Variants in TRIM40 observed in about 807,000 individuals in gnomAD.
TRIM40 encodes E3 ubiquitin ligase TRIM40.
A neutral mutation model predicts 26.1 loss-of-function variants in TRIM40; 27 were observed. The observed-to-expected ratio is 1.04, with a 90% confidence interval of 0.76 to 1.43. TRIM40 has a LOEUF of 1.43. Among genes scored for constraint, TRIM40 ranks in the 40% most tolerant of loss-of-function variants. The probability of loss-of-function intolerance (pLI) is 0.00; values close to 1 mark genes in which losing one functional copy is unlikely to be tolerated. For synonymous variants in TRIM40, 114 were observed against 120.0 expected (o/e 0.95, Z 0.33); for missense variants, 289 against 307.9 (o/e 0.94, Z 0.46).
In TRIM40 at chr6:30,147,773, A is replaced by G; in HGVS notation, c.738A>G (p.Gly246=). The change falls in exon 6 of 6, where the codon GGA becomes GGG. Residue 246 remains glycine, a synonymous_variant. Coordinates refer to ENST00000396581, the MANE Select transcript of TRIM40 (RefSeq NM_001286633.2). The part of the protein sequence containing the change: ...LEVIYPQLEK[G]VSELLLQPPQ... ...TTATTTATCCCCAGTTGGAGAAAGGAGTCAGTGAATTGCTTCTTCAGCCCC... is the reference window on the plus strand; with the variant it reads ...TTATTTATCCCCAGTTGGAGAAAGGGGTCAGTGAATTGCTTCTTCAGCCCC... The G allele has an allele frequency of 6.2e-7, 1 of 1,614,198 alleles. No homozygotes were observed. The highest frequency in any genetic ancestry group is 1.1e-5 in the South Asian group (1 of 91,082).
chr6:30,143,027 T>G (rs115690923), intron 2 of TRIM40, among the ~76,000 whole-genome samples: 2,062 of 152,278 alleles, frequency 0.014, 29 homozygotes, highest in Middle Eastern at 0.041. Flanking sequence ...GTTTCTAAAT[T>G]TCATAGATCA....
In TRIM40 at chr6:30,137,229, C is replaced by A. The variant is rs1273458148; in HGVS notation, c.193C>A (p.Leu65Ile). The change falls in exon 2 of 6, where the codon CTA becomes ATA. Residue 65 changes from leucine to isoleucine, a missense_variant. Leu to Ile is a conservative substitution (Grantham distance 5). Coordinates refer to ENST00000396581, the MANE Select transcript of TRIM40 (RefSeq NM_001286633.2). ...CCGGAAGCCCTGTTCTGAGGAGGTG[C>A]TAGGGACAGGCTATATCTGCCCCAA... The part of the protein sequence containing the change: ...LCRKPCSEEV[L>I]GTGYICPNHQ... 1.2e-6 allele frequency: 2 copies of A among 1,612,934 alleles called. No homozygotes were observed. Among genetic ancestry groups the A allele is most frequent in the African/African-American group, 2.7e-5 (2 of 74,924 alleles).
chr6:30,147,568 C>T, intron 5 of TRIM40, 26 bp downstream of exon 5: 1 of 1,614,184 alleles, frequency 6.2e-7, no homozygotes, highest in Non-Finnish European at 8.5e-7. Flanking sequence ...TCTTCTTTCC[C>T]ACATGTGCAT....
chr6:30,145,204 T>TTA (rs1562097435), intron 2 of TRIM40, among the ~76,000 whole-genome samples: 1 of 148,542 alleles, frequency 6.7e-6, no homozygotes, highest in Admixed American at 6.7e-5. Context: ...CAAAAAAGAT[T>TTA]AAAAAAAAAA....
At chr6:30,143,367 T>C (rs983954235) in intron 2 of TRIM40, among the ~76,000 whole-genome samples, 3 of 152,086 alleles carry the variant, frequency 2.0e-5, no homozygotes, top group African/African-American at 7.2e-5. Flanking sequence ...GTGATGTTGT[T>C]TTTAATTCAT....
intron 2 of TRIM40, among the ~76,000 whole-genome samples, chr6:30,143,037 A>G (rs1020057458): frequency 6.6e-6 from 1 of 152,166 alleles, no homozygotes; most frequent in Non-Finnish European, 1.5e-5. Flanking sequence ...TTCATAGATC[A>G]TTCCATAAGA....
chr6:30,136,686 G>A (rs1401600173), intron 1 of TRIM40, 47 bp from the exon 2 acceptor site: 2 of 300,440 alleles, frequency 6.7e-6, no homozygotes, highest in African/African-American at 2.2e-5. Flanking sequence ...ACTGAAAGCT[G>A]TCAAGAGGAA....
intron 2 of TRIM40, among the ~76,000 whole-genome samples, chr6:30,137,957 G>T (rs1209113154): frequency 3.9e-5 from 6 of 152,078 alleles, no homozygotes. Flanking sequence ...ATAAAGTCAA[G>T]ACTAAAAATT....
rs150499701 is a variant in TRIM40, at chr6:30,141,484, C to A, written c.345+4103C>A. Among the ~76,000 whole-genome samples the A allele has an allele frequency of 5.6e-3, 851 of 152,218 alleles. 8 individuals are homozygous for A. Among genetic ancestry groups the A allele is most frequent in the African/African-American group, 0.019 (770 of 41,532 alleles). Reference sequence around the variant, plus strand: ...CCAGCAAAGGAGACAGGATGAGTTGCCAGAAAGGCAGGAGAAAAACAAGGG... The same window carrying A: ...CCAGCAAAGGAGACAGGATGAGTTGACAGAAAGGCAGGAGAAAAACAAGGG... On this transcript the variant is annotated intron_variant, in intron 2 of 5. Transcript: ENST00000396581.
chr6:30,147,092 G>GCAC lies in TRIM40; in HGVS notation c.550_552dup (p.His184dup), dbSNP rs768949899. 5.0e-6 allele frequency: 8 copies of GCAC among 1,614,168 alleles called. 1 individual carries two copies. The South Asian group carries it at 8.8e-5, about 18-fold the overall frequency. On this transcript the variant is annotated inframe_insertion, in exon 4 of 6. Transcript: ENST00000396581. ...CTCAGCAGTGGCTGGGCCAGCTGGA[G>GCAC]CACATGCCAGCAGAAGCGGCCAGAA...
chr6:30,146,661 T>C (rs1396212056), intron 3 of TRIM40, among the ~76,000 whole-genome samples: 3 of 152,056 alleles, frequency 2.0e-5, no homozygotes, highest in African/African-American at 7.2e-5. Context: ...TCCGCCCGCC[T>C]TGGCCTCCCA....
At chr6:30,145,390 T>C (rs1174468808) in intron 2 of TRIM40, among the ~76,000 whole-genome samples, 1 of 152,226 alleles carries the variant, frequency 6.6e-6, no homozygotes, top group Non-Finnish European at 1.5e-5. Context: ...GCTTCTCTTA[T>C]AGGTCATCAA....
intron 2 of TRIM40, among the ~76,000 whole-genome samples, chr6:30,138,334 A>G (rs1771139804): frequency 6.6e-6 from 1 of 152,254 alleles, no homozygotes; most frequent in Non-Finnish European, 1.5e-5. Context: ...TGGAGGACCT[A>G]GAATATCCAA....
At chr6:30,146,324 G>A (rs3815080) in intron 3 of TRIM40, among the ~76,000 whole-genome samples, 34,707 of 152,062 alleles carry the variant, frequency 0.23, 4,303 homozygotes, top group East Asian at 0.27. Flanking sequence ...GTCCTGCTCT[G>A]CCTGGATCAC....
At chr6:30,143,166 A>T (rs534059130) in intron 2 of TRIM40, among the ~76,000 whole-genome samples, 4 of 152,290 alleles carry the variant, frequency 2.6e-5, no homozygotes, top group Non-Finnish European at 5.9e-5. Flanking sequence ...TATGTATCTG[A>T]ATCAGATATT....
chr6:30,141,022 C>T (rs940856011), intron 2 of TRIM40, among the ~76,000 whole-genome samples: 2 of 152,152 alleles, frequency 1.3e-5, no homozygotes, highest in Admixed American at 1.3e-4. Context: ...TGGCTCACAC[C>T]TGTAGTCCCA....
chr6:30,148,483 G>A lies in TRIM40; in HGVS notation c.*671G>A, dbSNP rs1057121658. 2.6e-5 allele frequency: 4 copies of A among 152,266 alleles called. No homozygotes were observed. Among genetic ancestry groups the A allele is most frequent in the African/African-American group, 7.2e-5 (3 of 41,438 alleles). The allele number at this position is 152,266 out of a possible 1,614,324, so 9.4% of individuals were successfully genotyped here. On this transcript the variant is annotated 3_prime_UTR_variant, in exon 6 of 6. Coordinates refer to ENST00000396581, the MANE Select transcript of TRIM40 (RefSeq NM_001286633.2). ...CCCACCCTTTTAGAGCCCCTCCTAG[G>A]AGCCAAGAGCAGCTTCCAGCCAACA...
chr6:30,140,598 T>C, intron 2 of TRIM40, among the ~76,000 whole-genome samples: 1 of 152,090 alleles, frequency 6.6e-6, no homozygotes, highest in South Asian at 2.1e-4. Context: ...AGGGATAGCA[T>C]TAGGAGAAAT....
At chr6:30,137,748 T>C (rs553412974) in intron 2 of TRIM40, among the ~76,000 whole-genome samples, 1 of 152,354 alleles carries the variant, frequency 6.6e-6, no homozygotes. Flanking sequence ...AGGTTTTATA[T>C]ACACTAGTAA....
Sources: gnomAD v4.1 joint callset for allele counts (sites outside exome capture counted in the v4.1 genomes callset) on GRCh38, gnomAD v4.1.1 for gene constraint, MANE v1.5 for transcripts, NCBI Gene and HGNC (gene_info 2026-07-23, HGNC 2026-07-21) for gene names.